Variants in ARFGEF3 observed in about 807,000 individuals in gnomAD.
The protein encoded by ARFGEF3 is ARFGEF family member 3.
In ARFGEF3, 96 loss-of-function variants were observed where a neutral mutation model predicts 221.7. The ratio of observed to expected loss-of-function variants is 0.43; its 90% CI spans 0.37 to 0.51. The LOEUF (loss-of-function observed/expected upper bound fraction) is 0.51. Among genes scored for constraint, ARFGEF3 ranks in the 20% least tolerant of loss-of-function variants. The probability of loss-of-function intolerance (pLI) is 0.00; values close to 1 mark genes in which losing one functional copy is unlikely to be tolerated. For missense variants in ARFGEF3, 2,410 were observed against 2,789.9 expected, an observed-to-expected ratio of 0.86 and a Z score of 3.07; for synonymous variants, 1,145 against 1,126.8, an observed-to-expected ratio of 1.02 and a Z score of -0.32.
intron 7 of ARFGEF3, among the ~76,000 whole-genome samples, chr6:138,244,029 A>G (rs1344280893): frequency 2.6e-5 from 4 of 152,228 alleles, no homozygotes; most frequent in East Asian, 1.9e-4. Flanking sequence ...TATAAACTAA[A>G]AAAAGGGGGT....
At chr6:138,249,478 C>T (rs763164794) in intron 8 of ARFGEF3, among the ~76,000 whole-genome samples, 5 of 152,084 alleles carry the variant, frequency 3.3e-5, no homozygotes, top group Non-Finnish European at 7.3e-5. Flanking sequence ...TACAGGCATG[C>T]GCCACCACAC....
At chr6:138,169,403 C>A (rs899838325) in intron 1 of ARFGEF3, among the ~76,000 whole-genome samples, 2 of 152,204 alleles carry the variant, frequency 1.3e-5, no homozygotes, top group Non-Finnish European at 2.9e-5. Context: ...TTTCTTCTAG[C>A]TTGCTCTTAG....
chr6:138,268,855 T>C (rs1021951812), intron 12 of ARFGEF3, among the ~76,000 whole-genome samples: 2 of 152,194 alleles, frequency 1.3e-5, no homozygotes, highest in Non-Finnish European at 2.9e-5. Flanking sequence ...GTACCAGATT[T>C]CCTAAAAGAT....
At chr6:138,308,704 T>TA (rs773401134) in intron 23 of ARFGEF3, 35 bp from the exon 24 acceptor site, 3 of 1,612,770 alleles carry the variant, frequency 1.9e-6, no homozygotes, top group Non-Finnish European at 2.5e-6. Context: ...GGCAGAAACT[T>TA]ACTTTCTTAC....
intron 22 of ARFGEF3, among the ~76,000 whole-genome samples, chr6:138,306,309 AAAG>A (rs1473853431): frequency 1.3e-5 from 2 of 152,206 alleles, no homozygotes; most frequent in African/African-American, 4.8e-5. Flanking sequence ...GAGAGAAATT[AAAG>A]AAGATTCAAA....
chr6:138,270,540 T>C (rs1479043719), intron 12 of ARFGEF3, among the ~76,000 whole-genome samples: 5 of 152,042 alleles, frequency 3.3e-5, no homozygotes, highest in Non-Finnish European at 5.9e-5. Context: ...GCTGTGACCA[T>C]GGGCAAGTTA....
At chr6:138,241,808 G>A (rs143272328) in intron 6 of ARFGEF3, among the ~76,000 whole-genome samples, 2 of 152,308 alleles carry the variant, frequency 1.3e-5, no homozygotes, top group South Asian at 2.1e-4. Flanking sequence ...CAGGACAGAC[G>A]ATAATTTTGA....
At chr6:138,302,465 C>A (rs1180454199) in intron 22 of ARFGEF3, among the ~76,000 whole-genome samples, 1 of 152,072 alleles carries the variant, frequency 6.6e-6, no homozygotes, top group East Asian at 1.9e-4. Flanking sequence ...CAATGTCAAG[C>A]ATACCAACAT....
At chr6:138,170,305 A>G (rs759567783) in intron 1 of ARFGEF3, among the ~76,000 whole-genome samples, 4 of 152,268 alleles carry the variant, frequency 2.6e-5, no homozygotes, top group Non-Finnish European at 2.9e-5. Context: ...GGATATTGAA[A>G]CAGTATTTTC....
chr6:138,307,760 G>A (rs1251874814), intron 23 of ARFGEF3, among the ~76,000 whole-genome samples: 2 of 152,104 alleles, frequency 1.3e-5, no homozygotes, highest in Admixed American at 1.3e-4. Flanking sequence ...AGGGAGATTC[G>A]GTCTGCTGGA....
chr6:138,299,862 C>A (rs188227928), intron 22 of ARFGEF3, among the ~76,000 whole-genome samples: 243 of 152,178 alleles, frequency 1.6e-3, no homozygotes, highest in African/African-American at 5.6e-3. Context: ...AAAGAGCACT[C>A]CAGGATTTAT....
At chr6:138,330,687 A>C (rs1157244133) in intron 32 of ARFGEF3, among the ~76,000 whole-genome samples, 2 of 151,950 alleles carry the variant, frequency 1.3e-5, no homozygotes, top group East Asian at 3.9e-4. Flanking sequence ...CAACAAACAA[A>C]AAGTTTGCCA....
At chr6:138,319,979 A>C in intron 28 of ARFGEF3, 100 bp downstream of exon 28, 1 of 941,382 alleles carries the variant, frequency 1.1e-6, no homozygotes, top group Non-Finnish European at 1.6e-6. Context: ...ATACGAATGC[A>C]GGGTTTTTGT....
At chr6:138,190,872 C>G (rs1273665603) in intron 2 of ARFGEF3, among the ~76,000 whole-genome samples, 1 of 152,084 alleles carries the variant, frequency 6.6e-6, no homozygotes, top group African/African-American at 2.4e-5. Context: ...TTCTTTTTCC[C>G]CTTTAGTCTT....
At chr6:138,244,411 T>TA (rs1390267699) in intron 7 of ARFGEF3, among the ~76,000 whole-genome samples, 9 of 152,244 alleles carry the variant, frequency 5.9e-5, no homozygotes, top group Admixed American at 2.0e-4. Flanking sequence ...TGCTTCCACT[T>TA]ACTATTTCAT....
intron 11 of ARFGEF3, among the ~76,000 whole-genome samples, chr6:138,262,443 C>T (rs1358021698): frequency 2.6e-5 from 4 of 152,198 alleles, no homozygotes; most frequent in Middle Eastern, 3.2e-3. Context: ...CCGCCCACCT[C>T]AGCGTCCCAA....
chr6:138,267,837 TAA>T (rs1778925523), intron 12 of ARFGEF3, among the ~76,000 whole-genome samples: 1 of 152,238 alleles, frequency 6.6e-6, no homozygotes, highest in South Asian at 2.1e-4. Context: ...AATTATTTTT[TAA>T]ACGTAAAAAT....
rs776267387 is a variant in ARFGEF3 at position 138,280,133 on chromosome 6, T to A, written c.2430T>A (p.Asp810Glu). ...GEAGYWGSPE[D>E]NSLPLITMLT... ...CTGGCTATTGGGGCAGCCCAGAAGA[T>A]AACAGCCTTCCCCTCATCACAATGC... Residue 810 changes from aspartate to glutamate, a missense_variant, in exon 14 of 34, where the codon GAT becomes GAA. Physicochemically the swap from Asp to Glu is conservative, Grantham distance 45 (BLOSUM62 2). Coordinates refer to ENST00000251691, the MANE Select transcript of ARFGEF3 (RefSeq NM_020340.5). The A allele has an allele frequency of 1.6e-5, 26 of 1,613,702 alleles. No homozygotes were observed. Among genetic ancestry groups the A allele is most frequent in the Non-Finnish European group, 2.2e-5 (26 of 1,179,764 alleles).
At chr6:138,221,052 CGGT>C (rs1381538049) in intron 4 of ARFGEF3, among the ~76,000 whole-genome samples, 4 of 152,186 alleles carry the variant, frequency 2.6e-5, no homozygotes, top group Non-Finnish European at 5.9e-5. Flanking sequence ...CATACATCTT[CGGT>C]CAGTTGGTGG....
Sources: allele counts gnomAD v4.1 joint callset (sites outside exome capture counted in the v4.1 genomes callset), GRCh38; gene constraint gnomAD v4.1.1; transcripts MANE v1.5; gene names NCBI Gene and HGNC (gene_info 2026-07-23, HGNC 2026-07-21).